CACNA2D3: variants seen among roughly 807,000 people sequenced by gnomAD.
The protein encoded by CACNA2D3 is calcium voltage-gated channel auxiliary subunit alpha2delta 3.
CACNA2D3 carries 60 observed loss-of-function variants against 160.6 expected under a neutral mutation model. The ratio of observed to expected loss-of-function variants is 0.37; its 90% CI spans 0.30 to 0.46. CACNA2D3 has a LOEUF of 0.46. CACNA2D3 is among the 20% of genes least tolerant of loss of function. The pLI is 1.00. For missense variants in CACNA2D3, 1,205 were observed against 1,365.0 expected, an observed-to-expected ratio of 0.88 and a Z score of 1.85; for synonymous variants, 558 against 492.9, an observed-to-expected ratio of 1.13 and a Z score of -1.75.
At chr3:54,756,692 G>C (rs758717922) in intron 12 of CACNA2D3, among the ~76,000 whole-genome samples, 1 of 152,166 alleles carries the variant, frequency 6.6e-6, no homozygotes, top group Non-Finnish European at 1.5e-5. Context: ...GGGCTCTCAC[G>C]TTGTCCCTGA....
intron 17 of CACNA2D3, among the ~76,000 whole-genome samples, chr3:54,861,100 A>ATG (rs1205889008): frequency 6.6e-6 from 1 of 152,142 alleles, no homozygotes; most frequent in African/African-American, 2.4e-5. Flanking sequence ...TTTACCAAAG[A>ATG]TGCTTAGGAC....
At chr3:54,887,853 C>T (rs557026842) in intron 23 of CACNA2D3, 106 bp from the exon 24 acceptor site, 36 of 811,722 alleles carry the variant, frequency 4.4e-5, no homozygotes, top group South Asian at 4.0e-4. Context: ...AGCAACATGC[C>T]GCATGAGAAA....
chr3:54,577,078 G>C (rs1195308391), intron 8 of CACNA2D3, among the ~76,000 whole-genome samples: 1 of 152,056 alleles, frequency 6.6e-6, no homozygotes, highest in Non-Finnish European at 1.5e-5. Context: ...AGGAAAAAAG[G>C]CCTTATGTTC....
At chr3:54,150,985 T>C (rs1700139122) in intron 2 of CACNA2D3, among the ~76,000 whole-genome samples, 1 of 150,486 alleles carries the variant, frequency 6.6e-6, no homozygotes, top group Admixed American at 6.6e-5. Flanking sequence ...GGTAAATGGA[T>C]GGATGAGTGG....
intron 2 of CACNA2D3, among the ~76,000 whole-genome samples, chr3:54,280,040 C>A (rs1283699609): frequency 1.3e-5 from 2 of 151,756 alleles, no homozygotes; most frequent in African/African-American, 4.8e-5. Flanking sequence ...GTGAAACCAA[C>A]AAAGATGACT....
chr3:54,203,911 G>A (rs942914982), intron 2 of CACNA2D3, among the ~76,000 whole-genome samples: 1 of 151,828 alleles, frequency 6.6e-6, no homozygotes, highest in African/African-American at 2.4e-5. Context: ...CTTGGAAAAT[G>A]CAACATTTGG....
chr3:54,692,031 G>C lies in CACNA2D3; in HGVS notation c.1167+49790G>C, dbSNP rs569957038. On this transcript the variant is annotated intron_variant, in intron 11 of 37. Coordinates refer to ENST00000474759, the MANE Select transcript of CACNA2D3 (RefSeq NM_018398.3). ...TCTCACTTGTCCAGGCTGGAGTACA[G>C]TGGCGTGACCTCGGCTCACTGCAAC... is the stretch of plus-strand genomic sequence containing the variant. 1.4e-4 allele frequency among the ~76,000 whole-genome samples: 22 copies of C among 151,930 alleles called. 1 individual carries two copies. The highest frequency in any genetic ancestry group is 6.8e-3 in the Middle Eastern group (2 of 294).
At chr3:54,611,463 C>G (rs1290547373) in intron 9 of CACNA2D3, among the ~76,000 whole-genome samples, 1 of 152,194 alleles carries the variant, frequency 6.6e-6, no homozygotes, top group Non-Finnish European at 1.5e-5. Flanking sequence ...TAGCCAGGTG[C>G]TCTTTTGTCT....
At chr3:54,273,996 T>G (rs1401858790) in intron 2 of CACNA2D3, among the ~76,000 whole-genome samples, 1 of 143,452 alleles carries the variant, frequency 7.0e-6, no homozygotes, top group Non-Finnish European at 1.5e-5. Context: ...TGTGAGATGT[T>G]TGAGTGGGCG....
At chr3:54,416,183 G>A (rs566506403) in intron 4 of CACNA2D3, among the ~76,000 whole-genome samples, 41 of 152,312 alleles carry the variant, frequency 2.7e-4, no homozygotes, top group African/African-American at 9.1e-4. Context: ...AAGCTACTTA[G>A]TTGTTGACAC....
At chr3:54,732,481 A>G (rs912233320) in intron 11 of CACNA2D3, among the ~76,000 whole-genome samples, 8 of 152,216 alleles carry the variant, frequency 5.3e-5, no homozygotes, top group African/African-American at 1.4e-4. Context: ...TAAGAATTTA[A>G]TGGGACTAGG....
intron 12 of CACNA2D3, among the ~76,000 whole-genome samples, chr3:54,757,316 T>C (rs1195673802): frequency 1.3e-5 from 2 of 152,152 alleles, no homozygotes; most frequent in South Asian, 4.2e-4. Context: ...TTACCCCTTT[T>C]CCATGGGCTA....
At chr3:54,249,178 CTTG>C (rs1451814142) in intron 2 of CACNA2D3, among the ~76,000 whole-genome samples, 21 of 152,140 alleles carry the variant, frequency 1.4e-4, no homozygotes, top group Admixed American at 2.6e-4. Context: ...GAAGTATGAC[CTTG>C]TTGTTGTTTT....
chr3:54,561,427 G>T (rs114671692), intron 5 of CACNA2D3, among the ~76,000 whole-genome samples: 4,529 of 152,246 alleles, frequency 0.03, 215 homozygotes, highest in African/African-American at 0.1. Context: ...CATTGATGTT[G>T]TATCCTCAGA....
At chr3:54,426,329 G>A (rs1055247152) in intron 4 of CACNA2D3, among the ~76,000 whole-genome samples, 1 of 152,174 alleles carries the variant, frequency 6.6e-6, no homozygotes, top group South Asian at 2.1e-4. Flanking sequence ...TTATGTTGTT[G>A]TTCTTTAGCC....
chr3:54,878,032 G>T (rs1699704106), intron 18 of CACNA2D3, among the ~76,000 whole-genome samples: 1 of 152,076 alleles, frequency 6.6e-6, no homozygotes, highest in African/African-American at 2.4e-5. Context: ...TTTTATACAT[G>T]CCTCCAGCTA....
intron 4 of CACNA2D3, among the ~76,000 whole-genome samples, chr3:54,478,359 G>A (rs1161386041): frequency 6.6e-6 from 1 of 151,932 alleles, no homozygotes; most frequent in Non-Finnish European, 1.5e-5. Flanking sequence ...GCAGCCAGGC[G>A]CAGTGGCTCA....
At chr3:54,897,160 T>A (rs1311612597) in intron 26 of CACNA2D3, among the ~76,000 whole-genome samples, 1 of 152,244 alleles carries the variant, frequency 6.6e-6, no homozygotes, top group Non-Finnish European at 1.5e-5. Flanking sequence ...TCAGTTTTTT[T>A]AAATGTAGTC....
At chr3:54,152,117 A>G (rs754340283) in intron 2 of CACNA2D3, among the ~76,000 whole-genome samples, 2 of 152,200 alleles carry the variant, frequency 1.3e-5, no homozygotes, top group Non-Finnish European at 2.9e-5. Context: ...GTGTTTGGTT[A>G]TCTGTGCCCT....
Sources: gnomAD v4.1 joint callset for allele counts (sites outside exome capture counted in the v4.1 genomes callset) on GRCh38, gnomAD v4.1.1 for gene constraint, MANE v1.5 for transcripts, NCBI Gene and HGNC (gene_info 2026-07-23, HGNC 2026-07-21) for gene names.